Variants in GLYCTK observed in about 807,000 individuals in gnomAD.
The protein encoded by GLYCTK is glycerate kinase.
GLYCTK carries 22 observed loss-of-function variants against 24.8 expected under a neutral mutation model. The ratio of observed to expected loss-of-function variants is 0.89; its 90% CI spans 0.63 to 1.27. The LOEUF (loss-of-function observed/expected upper bound fraction) is 1.27. Among genes scored for constraint, GLYCTK ranks in the 50% most tolerant of loss-of-function variants. GLYCTK has a pLI of 0.00. For synonymous variants in GLYCTK, 320 were observed against 297.2 expected (o/e 1.08, Z -0.79); for missense variants, 684 against 686.7 (o/e 1.00, Z 0.04).
Position 52,293,029 on chromosome 3 carries a change from T to C in GLYCTK, c.1475T>C (p.Phe492Ser). The change falls in exon 5 of 5, where the codon TTC becomes TCC. Residue 492 changes from phenylalanine to serine, a missense_variant. Coordinates refer to ENST00000436784, the MANE Select transcript of GLYCTK (RefSeq NM_145262.4). ...TFLAHNDSHT[F>S]FCCLQGGAHL... Reference sequence around the variant, plus strand: ...CTAGCCCACAATGACTCACATACCTTCTTCTGCTGCCTCCAGGGTGGGGCA... The same window carrying C: ...CTAGCCCACAATGACTCACATACCTCCTTCTGCTGCCTCCAGGGTGGGGCA... 1 of 1,613,986 alleles carries C rather than the reference T, an allele frequency of 6.2e-7. No individual in the cohort carries two copies. The highest frequency in any genetic ancestry group is 8.5e-7 in the Non-Finnish European group (1 of 1,179,982).
In GLYCTK at chr3:52,294,666, G is replaced by A. The variant is rs897000914; in HGVS notation, c.*1540G>A. 3.1e-5 allele frequency: 14 copies of A among 445,322 alleles called. No homozygotes were observed. Among genetic ancestry groups the A allele is most frequent in the South Asian group, 1.6e-4 (10 of 63,412 alleles). 27.6% of individuals were successfully genotyped at this position (445,322 alleles called of 1,614,324 possible). A position where few individuals can be genotyped will look rare whatever the true frequency, so the allele number is the denominator to read the frequency against. On this transcript the variant is annotated 3_prime_UTR_variant, in exon 5 of 5. Transcript: ENST00000436784. ...AGTCTCTGGGGTTATGGTGATCCTC[G>A]CATGATCCTGTGCCGTGGTGCTCCT...
rs768907335 is a variant in GLYCTK, at chr3:52,290,506, T to A, written c.164T>A (p.Leu55Gln). ...GGTGCAGTGCTGCCGGGCCCCATGC[T>A]GCACCGGGCACTATCCTTGGACCCT... is the stretch of plus-strand genomic sequence containing the variant. The part of the protein sequence containing the change: ...AVGAVLPGPM[L>Q]HRALSLDPGG... The change falls in exon 2 of 5, where the codon CTG becomes CAG. Residue 55 changes from leucine to glutamine, a missense_variant. Physicochemically the swap from Leu to Gln is moderately radical, Grantham distance 113 (BLOSUM62 -2). Coordinates refer to ENST00000436784, the MANE Select transcript of GLYCTK (RefSeq NM_145262.4). 6.2e-7 allele frequency: 1 copy of A among 1,613,504 alleles called. No homozygotes were observed. The highest frequency in any genetic ancestry group is 1.1e-5 in the South Asian group (1 of 91,082).
chr3:52,291,631 G>T, intron 3 of GLYCTK, 116 bp from the exon 4 acceptor site: 1 of 959,022 alleles, frequency 1.0e-6, no homozygotes, highest in South Asian at 1.5e-5. Context: ...CCACAGGGGG[G>T]CACCCTAACC....
Position 52,292,626 on chromosome 3 carries a change from C to G in GLYCTK, c.1072C>G (p.Arg358Gly). Residue 358 changes from arginine (R) to glycine (G), a missense_variant, in exon 5 of 5, where the codon CGC (arginine) becomes GGC (glycine). Physicochemically the swap from Arg to Gly is moderately radical, Grantham distance 125 (BLOSUM62 -2). Transcript: ENST00000436784. ...YGLLAHVART[R>G]LTPSMAGASV... ...GCTGCTGGCCCATGTGGCTAGAACCCGCCTCACCCCATCCATGGCTGGGGC... is the reference window on the plus strand; with the variant it reads ...GCTGCTGGCCCATGTGGCTAGAACCGGCCTCACCCCATCCATGGCTGGGGC... 1 of 1,610,480 alleles carries G rather than the reference C, an allele frequency of 6.2e-7. No individual in the cohort carries two copies. The highest frequency in any genetic ancestry group is 2.2e-5 in the East Asian group (1 of 44,798).
rs758487138 is a variant in GLYCTK, at chr3:52,287,837, G to C, written c.-79G>C. The C allele has an allele frequency of 1.9e-4, 87 of 452,900 alleles. No individual in the cohort carries two copies. The highest frequency in any genetic ancestry group is 3.0e-4 in the Non-Finnish European group (68 of 226,178). 28.1% of individuals were successfully genotyped at this position (452,900 alleles called of 1,614,324 possible). On this transcript the variant is annotated 5_prime_UTR_variant, in exon 1 of 5. Transcript: ENST00000436784. ...GCTCCGCCCACCCCCTAGTACTTCC[G>C]TTCTCCAGCGCTGGGCACCGCGGCC...
intron 1 of GLYCTK, chr3:52,289,354 C>T (rs899176081): frequency 2.0e-5 from 3 of 152,288 alleles, no homozygotes; most frequent in African/African-American, 7.2e-5. Flanking sequence ...AGCTTTTACT[C>T]TGCCCAGTGG....
In GLYCTK at chr3:52,292,310, T is replaced by C. The variant is rs1250053740; in HGVS notation, c.756T>C (p.Ile252=). 2.5e-6 allele frequency: 4 copies of C among 1,613,904 alleles called. No homozygotes were observed. In the South Asian group the frequency reaches 3.3e-5, roughly 13 times the overall value. The change falls in exon 5 of 5, where the codon ATT becomes ATC. Residue 252 remains isoleucine, a synonymous_variant. Transcript: ENST00000436784. ...TGGTGGGGGACCCTGTGGAGGTGAT[T>C]GCCAGTGGCCCCACCGTGGCCAGTT... The part of the protein sequence containing the change: ...SDVVGDPVEV[I]ASGPTVASSH...
intron 3 of GLYCTK, chr3:52,291,480 T>C (rs1038689549): frequency 1.7e-6 from 1 of 581,126 alleles, no homozygotes; most frequent in South Asian, 2.1e-5. Flanking sequence ...TGATCTTCCA[T>C]TGTGTGCCCC....
chr3:52,293,103 C>T lies in GLYCTK; in HGVS notation c.1549C>T (p.Leu517Phe). The part of the protein sequence containing the change: ...MTGTNVMDTH[L>F]LFLRPR ...AGGTACCAATGTCATGGACACCCACCTCTTGTTCCTGCGGCCTCGGTGATG... is the reference window on the plus strand; with the variant it reads ...AGGTACCAATGTCATGGACACCCACTTCTTGTTCCTGCGGCCTCGGTGATG... Residue 517 changes from leucine (L) to phenylalanine (F), a missense_variant, in exon 5 of 5, where the codon CTC becomes TTC. Coordinates refer to ENST00000436784, the MANE Select transcript of GLYCTK (RefSeq NM_145262.4). The T allele has an allele frequency of 6.2e-7, 1 of 1,613,986 alleles. No individual in the cohort carries two copies.
chr3:52,291,129 C>T lies in GLYCTK; in HGVS notation c.529+18C>T, dbSNP rs769528675. 1.1e-5 allele frequency: 18 copies of T among 1,606,698 alleles called. No homozygotes were observed. Among genetic ancestry groups the T allele is most frequent in the Middle Eastern group, 1.7e-4 (1 of 6,016 alleles). ...GATCTCAGGTGTGGTACCACATTGGCCCAAGACTGTTGGTGGGGGGTGCAC... is the reference window on the plus strand; with the variant it reads ...GATCTCAGGTGTGGTACCACATTGGTCCAAGACTGTTGGTGGGGGGTGCAC... On this transcript the variant is annotated intron_variant, in intron 3 of 4. Coordinates refer to ENST00000436784, the MANE Select transcript of GLYCTK (RefSeq NM_145262.4).
Position 52,293,622 on chromosome 3 carries a change from T to G in GLYCTK, c.*496T>G. 1 of 454,762 alleles carries G rather than the reference T, an allele frequency of 2.2e-6. No individual in the cohort carries two copies. Among genetic ancestry groups the G allele is most frequent in the Non-Finnish European group, 4.4e-6 (1 of 227,290 alleles). The allele number at this position is 454,762 out of a possible 1,614,324, so 28.2% of individuals were successfully genotyped here. ...GGGTACGTGCAGGATGTGCCTCGCATAACGGGAGCCTGTGCCCATCCCTCT... is the reference window on the plus strand; with the variant it reads ...GGGTACGTGCAGGATGTGCCTCGCAGAACGGGAGCCTGTGCCCATCCCTCT... On this transcript the variant is annotated 3_prime_UTR_variant, in exon 5 of 5. Coordinates refer to ENST00000436784, the MANE Select transcript of GLYCTK (RefSeq NM_145262.4).
rs1578033390 is a variant in GLYCTK at position 52,293,581 on chromosome 3, A to G, written c.*455A>G. The G allele has an allele frequency of 4.4e-6, 2 of 457,290 alleles. No homozygotes were observed. The highest frequency in any genetic ancestry group is 8.7e-6 in the Non-Finnish European group (2 of 229,380). 28.3% of individuals were successfully genotyped at this position (457,290 alleles called of 1,614,324 possible). A position where few individuals can be genotyped will look rare whatever the true frequency, so the allele number is the denominator to read the frequency against. On this transcript the variant is annotated 3_prime_UTR_variant, in exon 5 of 5. Coordinates refer to ENST00000436784, the MANE Select transcript of GLYCTK (RefSeq NM_145262.4). Reference sequence around the variant, plus strand: ...ACCAGGGCCTGGCAGGACTCTTAACACCCCTCTACTGGGCTGGGTACGTGC... The same window carrying G: ...ACCAGGGCCTGGCAGGACTCTTAACGCCCCTCTACTGGGCTGGGTACGTGC...
In GLYCTK at chr3:52,293,343, G is replaced by A. The variant is rs1700547704; in HGVS notation, c.*217G>A. ...GATGGGGGCTTCCCCCTACCCCTGAGGATGAGGACAAGCCCCTCGGCCAGT... is the reference window on the plus strand; with the variant it reads ...GATGGGGGCTTCCCCCTACCCCTGAAGATGAGGACAAGCCCCTCGGCCAGT... On this transcript the variant is annotated 3_prime_UTR_variant, in exon 5 of 5. Transcript: ENST00000436784. 2.8e-6 allele frequency: 2 copies of A among 702,958 alleles called. No individual in the cohort carries two copies. Among genetic ancestry groups the A allele is most frequent in the East Asian group, 5.4e-5 (2 of 36,988 alleles). The allele number at this position is 702,958 out of a possible 1,614,324, so 43.5% of individuals were successfully genotyped here.
rs758288307 is a variant in GLYCTK at position 52,294,181 on chromosome 3, T to G, written c.*1055T>G. On this transcript the variant is annotated 3_prime_UTR_variant, in exon 5 of 5. Transcript: ENST00000436784. ...GGAGGTGCCACTGTCCTGCCTCCTT[T>G]TGAGCCCCCTTGCTCAGTGTCAGAA... is the stretch of plus-strand genomic sequence containing the variant. The G allele has an allele frequency of 1.9e-6, 1 of 533,920 alleles. No homozygotes were observed. The highest frequency in any genetic ancestry group is 1.4e-5 in the South Asian group (1 of 71,572). 33.1% of individuals were successfully genotyped at this position (533,920 alleles called of 1,614,324 possible). A position where few individuals can be genotyped will look rare whatever the true frequency, so the allele number is the denominator to read the frequency against.
In GLYCTK at chr3:52,290,713, G is replaced by A; in HGVS notation, c.371G>A (p.Gly124Asp). ...ATCCGTGCTGCCATGGAGCGTGCCG[G>A]CAAGCAGTAAGGAGCCATGGGGGCC... ...KGIRAAMERA[G>D]KQEMLLKPHS... Residue 124 changes from glycine to aspartate, a missense_variant, in exon 2 of 5, where the codon GGC (glycine) becomes GAC (aspartate). Gly to Asp is a moderately conservative substitution (Grantham distance 94). Coordinates refer to ENST00000436784, the MANE Select transcript of GLYCTK (RefSeq NM_145262.4). The A allele has an allele frequency of 6.2e-7, 1 of 1,610,808 alleles. No individual in the cohort carries two copies. The highest frequency in any genetic ancestry group is 1.7e-5 in the Admixed American group (1 of 59,946).
At chr3:52,288,009 A>C (rs1316628841) in intron 1 of GLYCTK, 133 bp downstream of exon 1, 2 of 324,628 alleles carry the variant, frequency 6.2e-6, no homozygotes, top group African/African-American at 4.4e-5. Flanking sequence ...TCCCTCGCTA[A>C]GGCCCTACCT....
At chr3:52,291,201 G>A in intron 3 of GLYCTK, 90 bp downstream of exon 3, 3 of 1,507,646 alleles carry the variant, frequency 2.0e-6, no homozygotes, top group South Asian at 1.2e-5. Context: ...AGCCCCCGGG[G>A]TCACAGGGTA....
Position 52,292,423 on chromosome 3 carries a change from G to A in GLYCTK, c.869G>A (p.Arg290Gln), listed in dbSNP as rs1476944926. Residue 290 changes from arginine to glutamine, a missense_variant, in exon 5 of 5, where the codon CGG becomes CAG. Transcript: ENST00000436784. Reference sequence around the variant, plus strand: ...CGTTCTGTGAAGACTGTGCTGTCTCGGGCCGACTCTGACCCCCATGGGCCA... The same window carrying A: ...CGTTCTGTGAAGACTGTGCTGTCTCAGGCCGACTCTGACCCCCATGGGCCA... Reference protein sequence around the residue: ...LPRSVKTVLSRADSDPHGPHT... With the variant: ...LPRSVKTVLSQADSDPHGPHT... The A allele has an allele frequency of 3.1e-6, 5 of 1,613,450 alleles. No homozygotes were observed. The highest frequency in any genetic ancestry group is 2.2e-5 in the South Asian group (2 of 91,080).
chr3:52,291,241 C>A, intron 3 of GLYCTK, 130 bp downstream of exon 3: 1 of 1,187,146 alleles, frequency 8.4e-7, no homozygotes. Flanking sequence ...TGGTGAGGAG[C>A]CTGGATGGTG....
Sources: allele counts gnomAD v4.1 joint callset, GRCh38; gene constraint gnomAD v4.1.1; transcripts MANE v1.5; gene names NCBI Gene and HGNC (gene_info 2026-07-23, HGNC 2026-07-21).